The following GAS2L3 variants were observed in gnomAD, a reference collection of about 807,000 sequenced individuals.
GAS2L3 encodes the protein GAS2-like protein 3.
In GAS2L3, 28 loss-of-function variants were observed where a neutral mutation model predicts 37.0. The observed-to-expected ratio is 0.76, with a 90% CI of 0.56 to 1.04. The LOEUF is 1.04. Among genes scored for constraint, GAS2L3 ranks in the 50% least tolerant of loss-of-function variants. The pLI is 0.00. For synonymous variants in GAS2L3, 290 were observed against 296.6 expected (o/e 0.98, Z 0.23); for missense variants, 793 against 817.6 (o/e 0.97, Z 0.37).
Position 100,600,448 on chromosome 12 carries a change from T to A in GAS2L3, c.85T>A (p.Leu29Met). Reference sequence around the variant, plus strand: ...TCTGACTCCCAGACACGGACCAGGATTGGCTAATGTTTGTCAGTACGATGA... The same window carrying A: ...TCTGACTCCCAGACACGGACCAGGAATGGCTAATGTTTGTCAGTACGATGA... ...SPLTPRHGPG[L>M]ANVCQYDEWI... The change falls in exon 4 of 10, where the codon TTG (leucine) becomes ATG (methionine). Residue 29 changes from leucine to methionine, a missense_variant. Physicochemically the swap from Leu to Met is conservative, Grantham distance 15. Coordinates refer to ENST00000547754, the MANE Select transcript of GAS2L3 (RefSeq NM_174942.3). The A allele has an allele frequency of 6.2e-7, 1 of 1,613,148 alleles. No individual in the cohort carries two copies. Among genetic ancestry groups the A allele is most frequent in the Non-Finnish European group, 8.5e-7 (1 of 1,179,262 alleles).
rs1225265510 is a variant in GAS2L3 at position 100,600,406 on chromosome 12, C to G, written c.43C>G (p.Leu15Val). 4.4e-6 allele frequency: 7 copies of G among 1,600,754 alleles called. No individual in the cohort carries two copies. In the South Asian group the frequency reaches 4.5e-5, roughly 10 times the overall value. Residue 15 changes from leucine to valine, a missense_variant, in exon 4 of 10, where the codon CTA (leucine) becomes GTA (valine). By Grantham distance (32) the Leu-to-Val change is conservative. Coordinates refer to ENST00000547754, the MANE Select transcript of GAS2L3 (RefSeq NM_174942.3). ...IQVWFGEDLP[L>V]SPRSPLTPRH... ...GGTATGGTTTGGAGAAGATCTGCCT[C>G]TAAGTCCTCGGAGTCCTCTGACTCC...
intron 1 of GAS2L3, among the ~76,000 whole-genome samples, chr12:100,588,941 C>A (rs933017200): frequency 1.3e-5 from 2 of 152,084 alleles, no homozygotes; most frequent in Non-Finnish European, 2.9e-5. Flanking sequence ...CGCTGTTATT[C>A]TGTTCTTTTT....
At chr12:100,595,587 A>G (rs760546010) in intron 3 of GAS2L3, among the ~76,000 whole-genome samples, 33 of 151,964 alleles carry the variant, frequency 2.2e-4, no homozygotes, top group Non-Finnish European at 4.7e-4. Flanking sequence ...AGTCACATTG[A>G]AGGTCTGCCT....
chr12:100,617,124 T>C (rs1956197456), intron 6 of GAS2L3, among the ~76,000 whole-genome samples: 1 of 152,266 alleles, frequency 6.6e-6, no homozygotes, highest in Non-Finnish European at 1.5e-5. Context: ...TTGCATTGGG[T>C]TGATTTTCTT....
intron 6 of GAS2L3, among the ~76,000 whole-genome samples, chr12:100,616,789 C>T (rs1593186415): frequency 6.6e-6 from 1 of 152,108 alleles, no homozygotes; most frequent in African/African-American, 2.4e-5. Flanking sequence ...TTCTTCCTTT[C>T]TAGTCTATAT....
chr12:100,603,266 A>G (rs1490810300), intron 5 of GAS2L3, among the ~76,000 whole-genome samples: 1 of 152,264 alleles, frequency 6.6e-6, no homozygotes, highest in South Asian at 2.1e-4. Flanking sequence ...CCAGCAGTGT[A>G]TGAGGGTTCC....
intron 6 of GAS2L3, among the ~76,000 whole-genome samples, chr12:100,616,840 T>C (rs1308230226): frequency 6.6e-6 from 1 of 152,144 alleles, no homozygotes; most frequent in African/African-American, 2.4e-5. Flanking sequence ...CATGGCTACA[T>C]CCTCCAATAC....
chr12:100,591,342 A>G (rs1452101924), intron 1 of GAS2L3, among the ~76,000 whole-genome samples: 1 of 152,182 alleles, frequency 6.6e-6, no homozygotes, highest in East Asian at 1.9e-4. Flanking sequence ...CATTGAGGAG[A>G]CAGGTTGAAG....
chr12:100,618,359 C>A (rs551509283), intron 7 of GAS2L3, 90 bp from the exon 8 acceptor site: 2 of 1,331,136 alleles, frequency 1.5e-6, no homozygotes, highest in Non-Finnish European at 2.1e-6. Context: ...ATCATATAGA[C>A]TTTACTTCAG....
rs763018195 is a variant in GAS2L3 at position 100,624,719 on chromosome 12, C to T, written c.1914C>T (p.Ser638=). ...APKSAQTVAK[S]QHSTKGPPRS... is the part of the protein sequence containing the mutation. ...AGTCAGCACAGACTGTCGCTAAGAG[C>T]CAGCATTCAACTAAAGGGCCTCCCA... The change falls in exon 10 of 10, where the codon AGC becomes AGT. Residue 638 remains serine (S), a synonymous_variant. Transcript: ENST00000547754. 1 of 1,614,036 alleles carries T rather than the reference C, an allele frequency of 6.2e-7. No individual in the cohort carries two copies. Among genetic ancestry groups the T allele is most frequent in the East Asian group, 2.2e-5 (1 of 44,870 alleles).
chr12:100,603,923 A>G (rs1336785822), intron 5 of GAS2L3, among the ~76,000 whole-genome samples: 2 of 152,050 alleles, frequency 1.3e-5, no homozygotes, highest in African/African-American at 2.4e-5. Flanking sequence ...CATGTTTGTT[A>G]TAAGTGAGTT....
rs1955679038 is a variant in GAS2L3 at position 100,579,351 on chromosome 12, T to A, written c.-152+5566T>A. The A allele has an allele frequency of 5.7e-6, 4 of 706,236 alleles. No individual in the cohort carries two copies. The South Asian group carries it at 6.9e-5, about 12-fold the overall frequency. 43.7% of individuals were successfully genotyped at this position (706,236 alleles called of 1,614,324 possible). On this transcript the variant is annotated intron_variant, in intron 1 of 9. Coordinates refer to ENST00000547754, the MANE Select transcript of GAS2L3 (RefSeq NM_174942.3). Reference sequence around the variant, plus strand: ...CGAGCGGCACTGATTACTGAAATAGTGTCTGTCATTCCTAACGCTGTAGAT... The same window carrying A: ...CGAGCGGCACTGATTACTGAAATAGAGTCTGTCATTCCTAACGCTGTAGAT...
intron 2 of GAS2L3, 121 bp downstream of exon 2, chr12:100,591,977 CTT>C (rs1425474626): frequency 6.6e-6 from 1 of 151,992 alleles, no homozygotes; most frequent in Non-Finnish European, 1.5e-5. Flanking sequence ...AGCTAAGAAA[CTT>C]TTTTTCTGAG....
At chr12:100,604,195 TG>T (rs1215222948) in intron 5 of GAS2L3, among the ~76,000 whole-genome samples, 2 of 152,108 alleles carry the variant, frequency 1.3e-5, no homozygotes, top group Non-Finnish European at 2.9e-5. Flanking sequence ...TTGAGTAGTA[TG>T]GCCGTTTTAA....
At chr12:100,619,457 A>C in intron 8 of GAS2L3, among the ~76,000 whole-genome samples, 1 of 152,100 alleles carries the variant, frequency 6.6e-6, no homozygotes, top group South Asian at 2.1e-4. Flanking sequence ...AGAAATAATG[A>C]ATAAATCATT....
chr12:100,578,430 A>G (rs1955665302), intron 1 of GAS2L3, among the ~76,000 whole-genome samples: 1 of 152,222 alleles, frequency 6.6e-6, no homozygotes, highest in South Asian at 2.1e-4. Flanking sequence ...GGATGATAGT[A>G]AATACATAGT....
At chr12:100,600,002 G>C (rs374960021) in intron 3 of GAS2L3, among the ~76,000 whole-genome samples, 1 of 152,142 alleles carries the variant, frequency 6.6e-6, no homozygotes, top group African/African-American at 2.4e-5. Context: ...TGGAAGGATC[G>C]CTTGAGTCCA....
At chr12:100,622,749 TAAAAAAAAAAA>T in intron 9 of GAS2L3, among the ~76,000 whole-genome samples, 23 of 26,840 alleles carry the variant, frequency 8.6e-4, no homozygotes, top group South Asian at 2.9e-3. Flanking sequence ...GTATCCATAG[TAAAAAAAAAAA>T]AAAAAAAAAA....
At chr12:100,607,727 T>A (rs1956074376) in intron 5 of GAS2L3, among the ~76,000 whole-genome samples, 2 of 152,068 alleles carry the variant, frequency 1.3e-5, no homozygotes, top group Admixed American at 1.3e-4. Context: ...CATTCTTCAG[T>A]ATGTCAATTG....
Sources: gnomAD v4.1 joint callset for allele counts (sites outside exome capture counted in the v4.1 genomes callset) on GRCh38, gnomAD v4.1.1 for gene constraint, MANE v1.5 for transcripts, NCBI Gene and HGNC (gene_info 2026-07-23, HGNC 2026-07-21) for gene names.